Variants in GGACT observed in about 807,000 individuals in gnomAD.
The protein encoded by GGACT is gamma-glutamylaminecyclotransferase.
For missense variants in GGACT, 241 were observed against 233.2 expected (o/e 1.03, Z -0.22); for synonymous variants, 118 against 115.3 (o/e 1.02, Z -0.15).
At chr13:100,565,774 T>C (rs963253008) in intron 2 of GGACT, among the ~76,000 whole-genome samples, 3 of 152,160 alleles carry the variant, frequency 2.0e-5, no homozygotes, top group Admixed American at 6.5e-5. Flanking sequence ...GACTTCTGTG[T>C]GGCAAGCAGA....
Position 100,530,483 on chromosome 13 carries a change from C to T in GGACT, c.*1647G>A, listed in dbSNP as rs2088331038. Reference sequence around the variant, plus strand: ...ATGAAGACAATGTACACATAGGCGACAGGCTCTGCCAGTAGACTACCAGCA... The same window carrying T: ...ATGAAGACAATGTACACATAGGCGATAGGCTCTGCCAGTAGACTACCAGCA... On this transcript the variant is annotated 3_prime_UTR_variant, in exon 3 of 3. Transcript: ENST00000683975. The T allele has an allele frequency of 2.2e-6, 1 of 445,802 alleles. No individual in the cohort carries two copies. The highest frequency in any genetic ancestry group is 4.1e-6 in the Non-Finnish European group (1 of 241,470). The allele number at this position is 445,802 out of a possible 1,614,324, so 27.6% of individuals were successfully genotyped here.
In GGACT at chr13:100,530,795, T is replaced by C. The variant is rs2088351895; in HGVS notation, c.*1335A>G. On this transcript the variant is annotated 3_prime_UTR_variant, in exon 3 of 3. Transcript: ENST00000683975. The stretch of plus-strand genomic sequence containing the variant: ...GGTTGGCCGGGGGTGCTGTCTCCAC[T>C]GTTTTTGTTTGTTTTGAGGATGAGC... 1 of 168,050 alleles carries C rather than the reference T, an allele frequency of 6.0e-6. No homozygotes were observed. Among genetic ancestry groups the C allele is most frequent in the African/African-American group, 2.4e-5 (1 of 41,566 alleles). The allele number at this position is 168,050 out of a possible 1,614,324, so 10.4% of individuals were successfully genotyped here.
At chr13:100,579,349 C>T (rs1227865893) in intron 2 of GGACT, among the ~76,000 whole-genome samples, 2 of 152,190 alleles carry the variant, frequency 1.3e-5, no homozygotes, top group African/African-American at 2.4e-5. Flanking sequence ...AGGGGTTCAG[C>T]AGCTCAGTCT....
At chr13:100,570,905 G>A (rs548401244) in intron 2 of GGACT, among the ~76,000 whole-genome samples, 12 of 152,178 alleles carry the variant, frequency 7.9e-5, no homozygotes, top group African/African-American at 2.6e-4. Flanking sequence ...CTACTTATTT[G>A]CTCATCTAAT....
At position 100,545,532 on chromosome 13, in the gene GGACT, C is replaced by A. The variant is rs2088596684; in HGVS notation, c.-10-12931G>T. Among the ~76,000 whole-genome samples the A allele has an allele frequency of 6.6e-6, 1 of 152,242 alleles. No individual in the cohort carries two copies. Among genetic ancestry groups the A allele is most frequent in the Non-Finnish European group, 1.5e-5 (1 of 68,044 alleles). On this transcript the variant is annotated intron_variant, in intron 2 of 2. Transcript: ENST00000683975. This position sits in a 1 kb window ranked among gnomAD's most constrained non-coding sequence, Gnocchi z 4.4. ...AGGCTCCAGTCACATCTGCCGTGGC[C>A]TCCTGAATCTAGAAGGTGCCCTCAG...
At position 100,532,158 on chromosome 13, in the gene GGACT, AGCCCGTGCG is replaced by A; in HGVS notation, c.425_433del (p.Pro142_Gly144del). ...TCTGTTCTCCCGGGGGTTGTAGCGCAGCCCGTGCGGCCCCTCGGAGTCGTAGCTGTCATG... is the reference window on the plus strand; with the variant it reads ...TCTGTTCTCCCGGGGGTTGTAGCGCAGCCCCTCGGAGTCGTAGCTGTCATG... On this transcript the variant is annotated inframe_deletion, in exon 3 of 3. Transcript: ENST00000683975. 2 of 1,456,306 alleles carry A rather than the reference AGCCCGTGCG, an allele frequency of 1.4e-6. No individual in the cohort carries two copies. The highest frequency in any genetic ancestry group is 1.8e-6 in the Non-Finnish European group (2 of 1,099,066). The allele number at this position is 1,456,306 out of a possible 1,614,324, so 90.2% of individuals were successfully genotyped here.
intron 2 of GGACT, among the ~76,000 whole-genome samples, chr13:100,569,090 T>C (rs1874998805): frequency 6.6e-6 from 1 of 152,150 alleles, no homozygotes; most frequent in Admixed American, 6.5e-5. Flanking sequence ...TGGCATTGAG[T>C]GTCTGCTGCT....
rs563326710 is a variant in GGACT, at chr13:100,558,769, T to C, written c.-11+25056A>G. Among the ~76,000 whole-genome samples, 43 of 152,206 alleles carry C rather than the reference T, an allele frequency of 2.8e-4. 2 individuals carry two copies. In the South Asian group the frequency reaches 8.5e-3, roughly 30 times the overall value. ...GATACTGCATGTTCCTGCTCACATA[T>C]GGAATCTGAAAAACCTGACCTCCTA... is the stretch of plus-strand genomic sequence containing the variant. On this transcript the variant is annotated intron_variant, in intron 2 of 2. Transcript: ENST00000683975.
At chr13:100,536,435 T>G (rs1401827015) in intron 2 of GGACT, 1 of 152,008 alleles carries the variant, frequency 6.6e-6, no homozygotes, top group East Asian at 1.9e-4. Flanking sequence ...ATATTCTGCT[T>G]TATCTTGCAT....
chr13:100,554,055 T>C (rs2088691533), intron 2 of GGACT, among the ~76,000 whole-genome samples: 1 of 152,146 alleles, frequency 6.6e-6, no homozygotes, highest in South Asian at 2.1e-4. Context: ...CAAAGATACA[T>C]AATTAATTAC....
chr13:100,548,938 A>T lies in GGACT; in HGVS notation c.-10-16337T>A, dbSNP rs2088633030. Among the ~76,000 whole-genome samples, 3 of 152,272 alleles carry T rather than the reference A, an allele frequency of 2.0e-5. 1 individual carries two copies. The highest frequency in any genetic ancestry group is 6.5e-5 in the Admixed American group (1 of 15,288). Reference sequence around the variant, plus strand: ...AAATGCATCAGCATGAATTAGTCAAAGTATTTCAGAGAATACTTTCAAAGA... The same window carrying T: ...AAATGCATCAGCATGAATTAGTCAATGTATTTCAGAGAATACTTTCAAAGA... On this transcript the variant is annotated intron_variant, in intron 2 of 2. Transcript: ENST00000683975.
intron 2 of GGACT, among the ~76,000 whole-genome samples, chr13:100,566,768 A>C (rs1179373529): frequency 6.6e-6 from 1 of 152,222 alleles, no homozygotes; most frequent in African/African-American, 2.4e-5. Flanking sequence ...ACTACACTAC[A>C]ACCTGTGACA....
rs1200279134 is a variant in GGACT, at chr13:100,534,800, G to A, written c.-10-2199C>T. ...TTTGTTCCCCTGGATCCTGCCCCCA[G>A]TGCACCACCCAGAGGGTCCTTGTCA... On this transcript the variant is annotated intron_variant, in intron 2 of 2. Coordinates refer to ENST00000683975, the MANE Select transcript of GGACT (RefSeq NM_001195087.2). This position sits in a 1 kb window ranked among gnomAD's most constrained non-coding sequence, Gnocchi z 4.9. Among the ~76,000 whole-genome samples, 3 of 151,980 alleles carry A rather than the reference G, an allele frequency of 2.0e-5. No individual in the cohort carries two copies. The highest frequency in any genetic ancestry group is 4.4e-5 in the Non-Finnish European group (3 of 67,994).
intron 2 of GGACT, among the ~76,000 whole-genome samples, chr13:100,581,310 A>T (rs1875410388): frequency 6.6e-6 from 1 of 152,180 alleles, no homozygotes; most frequent in Non-Finnish European, 1.5e-5. Context: ...TGAAGCAGGA[A>T]ATACACAAGA....
At chr13:100,581,659 C>T (rs943670365) in intron 2 of GGACT, among the ~76,000 whole-genome samples, 2 of 152,202 alleles carry the variant, frequency 1.3e-5, no homozygotes, top group African/African-American at 2.4e-5. Flanking sequence ...TTCAGAAGTG[C>T]AGGCTGCTCA....
At chr13:100,588,701 C>G (rs1159303982) in intron 1 of GGACT, 40 bp downstream of exon 1, 1 of 151,584 alleles carries the variant, frequency 6.6e-6, no homozygotes, top group Non-Finnish European at 1.5e-5. Context: ...GGGGGCGGAG[C>G]AGGCGCAGCC....
intron 2 of GGACT, among the ~76,000 whole-genome samples, chr13:100,583,496 C>A (rs1024100125): frequency 6.6e-6 from 1 of 152,136 alleles, no homozygotes; most frequent in African/African-American, 2.4e-5. Flanking sequence ...TATACACTTT[C>A]TCTACTATTC....
At chr13:100,553,905 A>G (rs2153014499) in intron 2 of GGACT, among the ~76,000 whole-genome samples, 1 of 152,024 alleles carries the variant, frequency 6.6e-6, no homozygotes, top group South Asian at 2.1e-4. Flanking sequence ...GGCCAGGTAC[A>G]CAGTGTGTCC....
At chr13:100,582,757 A>T (rs947859519) in intron 2 of GGACT, among the ~76,000 whole-genome samples, 1 of 152,250 alleles carries the variant, frequency 6.6e-6, no homozygotes, top group Non-Finnish European at 1.5e-5. Flanking sequence ...ATTTTTAATT[A>T]AAAAGTCCAA....
Sources: allele counts gnomAD v4.1 joint callset (sites outside exome capture counted in the v4.1 genomes callset), GRCh38; gene constraint gnomAD v4.1.1; non-coding constraint Gnocchi (gnomAD v3.1); transcripts MANE v1.5; gene names NCBI Gene and HGNC (gene_info 2026-07-23, HGNC 2026-07-21).